The following SDC1 variants were observed in gnomAD, a reference collection of about 807,000 sequenced individuals.
The protein encoded by SDC1 is syndecan-1.
Under a neutral mutation model 29.7 loss-of-function variants are expected in SDC1, and 14 were observed. The observed-to-expected ratio is 0.47, with a 90% CI of 0.31 to 0.74. SDC1 has a LOEUF of 0.74. Ranked by LOEUF, SDC1 falls within the 30% of genes least tolerant of loss-of-function variation. The probability of loss-of-function intolerance (pLI) is 0.05; values close to 1 mark genes in which losing one functional copy is unlikely to be tolerated. For synonymous variants in SDC1, 204 were observed against 175.5 expected (o/e 1.16, Z -1.29); for missense variants, 406 against 400.3 (o/e 1.01, Z -0.12).
At chr2:20,208,053 C>G (rs1206335606) in intron 1 of SDC1, 2 of 985,436 alleles carry the variant, frequency 2.0e-6, no homozygotes, top group African/African-American at 3.5e-5. Context: ...ACCCCACGAG[C>G]CTCTGCTGCA....
rs748104560 is a variant in SDC1 at position 20,202,976 on chromosome 2, T to C, written c.764-41A>G. Reference sequence around the variant, plus strand: ...GGGGCCAGCTCAGCTCAGCGGCTCCTTGGGCTCTGCTGCAGACCCTCCCCA... The same window carrying C: ...GGGGCCAGCTCAGCTCAGCGGCTCCCTGGGCTCTGCTGCAGACCCTCCCCA... On this transcript the variant is annotated intron_variant, in intron 4 of 4. Transcript: ENST00000254351. The C allele has an allele frequency of 7.6e-6, 12 of 1,582,214 alleles. No homozygotes were observed. In the Admixed American group the frequency reaches 1.2e-4, roughly 16 times the overall value.
chr2:20,219,693 C>A (rs1277467315), intron 1 of SDC1, among the ~76,000 whole-genome samples: 1 of 152,242 alleles, frequency 6.6e-6, no homozygotes, highest in African/African-American at 2.4e-5. Context: ...CCTCTTTCCA[C>A]AAACTCCCTG....
In SDC1 at chr2:20,202,643, G is replaced by C. The variant is rs1677058020; in HGVS notation, c.*123C>G. ...ACGACTCCGTGGGCAGGAGCGACCA[G>C]AGGGGCTGGAATGCTGGGGAGGTGG... is the stretch of plus-strand genomic sequence containing the variant. On this transcript the variant is annotated 3_prime_UTR_variant, in exon 5 of 5. Coordinates refer to ENST00000254351, the MANE Select transcript of SDC1 (RefSeq NM_002997.5). The C allele has an allele frequency of 1.0e-6, 1 of 953,918 alleles. No homozygotes were observed. Among genetic ancestry groups the C allele is most frequent in the African/African-American group, 1.6e-5 (1 of 60,924 alleles). The allele number at this position is 953,918 out of a possible 1,614,324, so 59.1% of individuals were successfully genotyped here.
At chr2:20,221,364 A>G (rs538610788) in intron 1 of SDC1, among the ~76,000 whole-genome samples, 1 of 152,180 alleles carries the variant, frequency 6.6e-6, no homozygotes, top group Non-Finnish European at 1.5e-5. Context: ...TGCTCTCTGG[A>G]AAAAGGAGAA....
chr2:20,202,615 C>T lies in SDC1; in HGVS notation c.*151G>A. On this transcript the variant is annotated 3_prime_UTR_variant, in exon 5 of 5. Transcript: ENST00000254351. The stretch of plus-strand genomic sequence containing the variant: ...AAGCAGAGTGGAGCTCCCAGCACAC[C>T]CCACGACTCCGTGGGCAGGAGCGAC... 2 of 757,200 alleles carry T rather than the reference C, an allele frequency of 2.6e-6. No homozygotes were observed. The highest frequency in any genetic ancestry group is 4.8e-5 in the Admixed American group (2 of 42,038). The allele number at this position is 757,200 out of a possible 1,614,324, so 46.9% of individuals were successfully genotyped here. A position where few individuals can be genotyped will look rare whatever the true frequency, so the allele number is the denominator to read the frequency against.
chr2:20,203,784 A>G (rs1268950257), intron 3 of SDC1, 29 bp downstream of exon 3: 5 of 1,499,340 alleles, frequency 3.3e-6, no homozygotes, highest in Non-Finnish European at 4.5e-6. Flanking sequence ...AACCCACTCA[A>G]TTTCCCAAGG....
chr2:20,205,929 A>C (rs1415215783), intron 1 of SDC1, among the ~76,000 whole-genome samples: 2 of 152,200 alleles, frequency 1.3e-5, no homozygotes, highest in Non-Finnish European at 2.9e-5. Flanking sequence ...GGCAGCCTCC[A>C]GGCATGCTGG....
At chr2:20,208,288 C>G (rs1677346433) in intron 1 of SDC1, among the ~76,000 whole-genome samples, 2 of 152,218 alleles carry the variant, frequency 1.3e-5, no homozygotes, top group Admixed American at 1.3e-4. Flanking sequence ...TTCAGTCTGC[C>G]CTGTCCCTAA....
chr2:20,211,984 TC>T (rs1248471258), intron 1 of SDC1, among the ~76,000 whole-genome samples: 1 of 152,226 alleles, frequency 6.6e-6, no homozygotes, highest in Non-Finnish European at 1.5e-5. Flanking sequence ...GCCATGCGGC[TC>T]CCGTGCTGGG....
intron 1 of SDC1, among the ~76,000 whole-genome samples, chr2:20,217,771 C>T (rs1374091336): frequency 6.6e-6 from 1 of 152,162 alleles, no homozygotes; most frequent in Non-Finnish European, 1.5e-5. Context: ...ATCAACATGC[C>T]CGCCTTCCCC....
chr2:20,207,123 G>C (rs1322518730), intron 1 of SDC1, among the ~76,000 whole-genome samples: 1 of 152,248 alleles, frequency 6.6e-6, no homozygotes, highest in Non-Finnish European at 1.5e-5. Context: ...AGCAGAGAGG[G>C]ACAGACAAGA....
intron 1 of SDC1, among the ~76,000 whole-genome samples, chr2:20,215,357 C>CGTACCTTCTCAG (rs1004133974): frequency 2.6e-5 from 4 of 152,312 alleles, no homozygotes; most frequent in South Asian, 2.1e-4. Context: ...CAACCCAGCC[C>CGTACCTTCTCAG]GTACCTTCTC....
chr2:20,224,913 G>A lies in SDC1; in HGVS notation c.-46C>T, dbSNP rs1677943426. The A allele has an allele frequency of 3.3e-6, 4 of 1,206,146 alleles. No homozygotes were observed. Among genetic ancestry groups the A allele is most frequent in the East Asian group, 3.5e-5 (1 of 28,896 alleles). 74.7% of individuals were successfully genotyped at this position (1,206,146 alleles called of 1,614,324 possible). On this transcript the variant is annotated 5_prime_UTR_variant, in exon 1 of 5. Transcript: ENST00000254351. This position sits in a 1 kb window ranked among gnomAD's most constrained non-coding sequence, Gnocchi z 4.9. ...GAGAGCGGCAGGCTGCGCGGGTCGC[G>A]GCTGCGGGCCGGCTTCGCGGGTTCC...
intron 1 of SDC1, among the ~76,000 whole-genome samples, chr2:20,213,618 C>T (rs1397328370): frequency 6.6e-6 from 1 of 152,234 alleles, no homozygotes; most frequent in Non-Finnish European, 1.5e-5. Flanking sequence ...CCTCCCCCAG[C>T]CCTGTCTGCC....
At chr2:20,223,323 C>T in intron 1 of SDC1, 1 of 1,285,752 alleles carries the variant, frequency 7.8e-7, no homozygotes, top group Non-Finnish European at 1.0e-6. Context: ...CTGGCAGCTA[C>T]TACACGAGGC....
At position 20,202,097 on chromosome 2, in the gene SDC1, T is replaced by TA. The variant is rs11350492; in HGVS notation, c.*668dup. 7.3e-3 allele frequency: 3,388 copies of TA among 462,070 alleles called. 1 individual carries two copies. The highest frequency in any genetic ancestry group is 8.6e-3 in the South Asian group (254 of 29,626). 28.6% of individuals were successfully genotyped at this position (462,070 alleles called of 1,614,324 possible). A position where few individuals can be genotyped will look rare whatever the true frequency, so the allele number is the denominator to read the frequency against. On this transcript the variant is annotated 3_prime_UTR_variant, in exon 5 of 5. Coordinates refer to ENST00000254351, the MANE Select transcript of SDC1 (RefSeq NM_002997.5). ...GCTTCCAGATTTGGTTCTCCTAGTT[T>TA]AAAAAAAAAAAAAAAAAGTCTTCTT...
chr2:20,217,430 G>A (rs1386040834), intron 1 of SDC1, among the ~76,000 whole-genome samples: 1 of 152,182 alleles, frequency 6.6e-6, no homozygotes, highest in Non-Finnish European at 1.5e-5. Flanking sequence ...GCAGAGCACA[G>A]GCAGGCCCCC....
rs181448246 is a variant in SDC1, at chr2:20,221,742, C to A, written c.66+3060G>T. On this transcript the variant is annotated intron_variant, in intron 1 of 4. Coordinates refer to ENST00000254351, the MANE Select transcript of SDC1 (RefSeq NM_002997.5). ...AAGCTTTTCATTAATTCTTTCCAGG[C>A]TCTCTCCTTTCTTACTGTCTCCCTA... 2.6e-3 allele frequency among the ~76,000 whole-genome samples: 389 copies of A among 152,294 alleles called. 2 individuals are homozygous for A. Among genetic ancestry groups the A allele is most frequent in the African/African-American group, 8.8e-3 (364 of 41,566 alleles).
At chr2:20,204,869 C>G (rs547432463) in intron 2 of SDC1, among the ~76,000 whole-genome samples, 6 of 152,302 alleles carry the variant, frequency 3.9e-5, no homozygotes, top group African/African-American at 1.4e-4. Flanking sequence ...CTCCCCCAGT[C>G]CCCCACAGGG....
Sources: allele counts gnomAD v4.1 joint callset (sites outside exome capture counted in the v4.1 genomes callset), GRCh38; gene constraint gnomAD v4.1.1; non-coding constraint Gnocchi (gnomAD v3.1); transcripts MANE v1.5; gene names NCBI Gene and HGNC (gene_info 2026-07-23, HGNC 2026-07-21).